The following IL17RA variants were observed in gnomAD, a reference collection of about 807,000 sequenced individuals.
IL17RA encodes the protein interleukin-17 receptor A.
IL17RA carries 34 observed loss-of-function variants against 50.4 expected under a neutral mutation model. That is an observed-to-expected ratio of 0.67 (90% CI 0.51 to 0.90). IL17RA has a LOEUF of 0.90. Among genes scored for constraint, IL17RA ranks in the 40% least tolerant of loss-of-function variants. The probability of loss-of-function intolerance (pLI) is 0.00; values close to 1 mark genes in which losing one functional copy is unlikely to be tolerated. For synonymous variants in IL17RA, 585 were observed against 510.4 expected (o/e 1.15, Z -1.97); for missense variants, 1,276 against 1,169.8 (o/e 1.09, Z -1.32).
intron 7 of IL17RA, 69 bp downstream of exon 7, chr22:17,102,371 C>A: frequency 6.4e-7 from 1 of 1,555,490 alleles, no homozygotes; most frequent in Non-Finnish European, 8.9e-7. Context: ...AGTCTCTTCT[C>A]TGCTGGTCTG....
At chr22:17,096,778 G>T (rs2061369722) in intron 1 of IL17RA, among the ~76,000 whole-genome samples, 1 of 151,778 alleles carries the variant, frequency 6.6e-6, no homozygotes, top group Non-Finnish European at 1.5e-5. Context: ...GCCGAGGCAG[G>T]AGAATGGCGT....
intron 11 of IL17RA, among the ~76,000 whole-genome samples, chr22:17,107,470 CAA>C (rs1274877686): frequency 3.3e-5 from 5 of 152,260 alleles, no homozygotes; most frequent in Non-Finnish European, 5.9e-5. Context: ...ACCCATTAAA[CAA>C]GAGCAAATAC....
At chr22:17,106,741 G>A (rs1343085426) in intron 11 of IL17RA, among the ~76,000 whole-genome samples, 8 of 152,152 alleles carry the variant, frequency 5.3e-5, no homozygotes, top group Non-Finnish European at 1.0e-4. Context: ...TAATTATTAT[G>A]TGGTAGAAAG....
chr22:17,109,513 A>AG lies in IL17RA; in HGVS notation c.2300dup (p.Cys768LeufsTer3). On this transcript the variant is annotated frameshift_variant, in exon 13 of 13. Coordinates refer to ENST00000319363, the MANE Select transcript of IL17RA (RefSeq NM_014339.7). LOFTEE classifies it low-confidence loss of function (END_TRUNC). ...GAGCAGAGTCTGAGCTGCCAGGCCC[A>AG]GGGGGGCTGCAGTAGACCCGCCATG... 2 of 1,596,428 alleles carry AG rather than the reference A, an allele frequency of 1.3e-6. No homozygotes were observed. Among genetic ancestry groups the AG allele is most frequent in the Non-Finnish European group, 1.7e-6 (2 of 1,170,780 alleles).
At chr22:17,107,583 A>G in intron 11 of IL17RA, 144 bp from the exon 12 acceptor site, 2 of 731,420 alleles carry the variant, frequency 2.7e-6, no homozygotes, top group Admixed American at 2.0e-5. Flanking sequence ...TGCCTGTGCG[A>G]CCACCTAGCA....
chr22:17,097,691 C>G (rs1601340858), intron 2 of IL17RA, 106 bp from the exon 3 acceptor site: 1 of 1,408,040 alleles, frequency 7.1e-7, no homozygotes, highest in South Asian at 1.2e-5. Context: ...GGCTGGAAGG[C>G]CGCGGGCCCC....
At position 17,108,867 on chromosome 22, in the gene IL17RA, G is replaced by T; in HGVS notation, c.1648G>T (p.Val550Leu). Residue 550 changes from valine to leucine, a missense_variant, in exon 13 of 13, where the codon GTA becomes TTA. Val to Leu is a conservative substitution (Grantham distance 32). Coordinates refer to ENST00000319363, the MANE Select transcript of IL17RA (RefSeq NM_014339.7). ...GTTCCAGCCGGGCCGCATGCACCGCGTAGGGGAGCTGTCGGGGGACAACTA... is the reference window on the plus strand; with the variant it reads ...GTTCCAGCCGGGCCGCATGCACCGCTTAGGGGAGCTGTCGGGGGACAACTA... ...EMFQPGRMHRVGELSGDNYLR... is the reference protein window; with the variant it reads ...EMFQPGRMHRLGELSGDNYLR... 6.2e-7 allele frequency: 1 copy of T among 1,609,996 alleles called. No homozygotes were observed. The highest frequency in any genetic ancestry group is 1.1e-5 in the South Asian group (1 of 90,564).
At chr22:17,085,310 C>T in intron 1 of IL17RA, 81 bp downstream of exon 1, 1 of 1,520,458 alleles carries the variant, frequency 6.6e-7, no homozygotes, top group Non-Finnish European at 8.8e-7. Flanking sequence ...ACGGTCGGGA[C>T]TACGCGCCCG....
At chr22:17,101,039 A>G (rs900720976) in intron 5 of IL17RA, among the ~76,000 whole-genome samples, 12 of 152,118 alleles carry the variant, frequency 7.9e-5, no homozygotes, top group Non-Finnish European at 1.8e-4. Context: ...AAGCTCAGCT[A>G]TTACCTACAT....
In IL17RA at chr22:17,085,014, C is replaced by T. The variant is rs2061320264; in HGVS notation, c.-78C>T. On this transcript the variant is annotated 5_prime_UTR_variant, in exon 1 of 13. Coordinates refer to ENST00000319363, the MANE Select transcript of IL17RA (RefSeq NM_014339.7). ...AAAGTGGAGCCGACTCGAACTCCAC[C>T]GCGGAAAAGAAAGCCTCAGAACGTT... is the stretch of plus-strand genomic sequence containing the variant. 1 of 1,268,362 alleles carries T rather than the reference C, an allele frequency of 7.9e-7. No homozygotes were observed. The highest frequency in any genetic ancestry group is 1.0e-6 in the Non-Finnish European group (1 of 1,003,852). The allele number at this position is 1,268,362 out of a possible 1,614,324, so 78.6% of individuals were successfully genotyped here.
chr22:17,108,334 C>T lies in IL17RA; in HGVS notation c.1115C>T (p.Pro372Leu), dbSNP rs1454981530. Residue 372 changes from proline (P) to leucine (L), a missense_variant, in exon 13 of 13, where the codon CCC (proline) becomes CTC (leucine). By Grantham distance (98) the Pro-to-Leu change is moderately conservative. Transcript: ENST00000319363. Reference protein sequence around the residue: ...TDGLPAADLIPPPLKPRKVWI... With the variant: ...TDGLPAADLILPPLKPRKVWI... ...GGCCTGCCTGCGGCTGACCTGATCC[C>T]CCCACCGCTGAAGCCCAGGAAGGTC... The T allele has an allele frequency of 8.1e-6, 13 of 1,614,014 alleles. No homozygotes were observed. The Admixed American group carries it at 2.2e-4, about 27-fold the overall frequency.
intron 1 of IL17RA, among the ~76,000 whole-genome samples, chr22:17,093,313 G>GT (rs1322442060): frequency 1.3e-5 from 2 of 151,810 alleles, no homozygotes; most frequent in East Asian, 1.9e-4. Flanking sequence ...ATCTGGAGGT[G>GT]TTTTTTTTGG....
Position 17,103,443 on chromosome 22 carries a change from C to G in IL17RA, c.763-51C>G, listed in dbSNP as rs766418720. The G allele has an allele frequency of 3.8e-5, 57 of 1,497,602 alleles. 1 individual carries two copies. The Admixed American group carries it at 5.7e-4, about 15-fold the overall frequency. 92.8% of individuals were successfully genotyped at this position (1,497,602 alleles called of 1,614,324 possible). On this transcript the variant is annotated intron_variant, in intron 7 of 12. Transcript: ENST00000319363. ...AGTGCCACAGCGTGTTCTTACCCAA[C>G]TAGCCTTACCCATCCCAACTAGCCT...
At chr22:17,108,170 C>T (rs991621621) in intron 12 of IL17RA, 137 bp from the exon 13 acceptor site, 2 of 825,554 alleles carry the variant, frequency 2.4e-6, no homozygotes, top group African/African-American at 1.7e-5. Context: ...GTTTTTCCAA[C>T]AGGCCTCAGT....
chr22:17,115,035 G>A lies in IL17RA; in HGVS notation c.*5215G>A, dbSNP rs2061461668. The A allele has an allele frequency of 1.3e-5, 2 of 152,278 alleles. No homozygotes were observed. Among genetic ancestry groups the A allele is most frequent in the Non-Finnish European group, 2.9e-5 (2 of 68,066 alleles). 9.4% of individuals were successfully genotyped at this position (152,278 alleles called of 1,614,324 possible). On this transcript the variant is annotated 3_prime_UTR_variant, in exon 13 of 13. Coordinates refer to ENST00000319363, the MANE Select transcript of IL17RA (RefSeq NM_014339.7). ...ATGGCCAGACTCAGGCAAGGCCTAG[G>A]TGTGGGCTGGGCATTGCCTACACGT...
At chr22:17,105,717 G>GGGA in intron 10 of IL17RA, 115 bp downstream of exon 10, 1 of 1,354,196 alleles carries the variant, frequency 7.4e-7, no homozygotes, top group African/African-American at 1.9e-5. Context: ...GGCCAGCCCG[G>GGGA]GGTGGGGGGT....
chr22:17,100,321 A>G, intron 4 of IL17RA, 34 bp from the exon 5 acceptor site: 2 of 1,613,210 alleles, frequency 1.2e-6, no homozygotes, highest in Non-Finnish European at 1.7e-6. Context: ...GGTGTGTGTA[A>G]TCCATCCACC....
intron 4 of IL17RA, among the ~76,000 whole-genome samples, chr22:17,099,089 G>T (rs1012398949): frequency 6.6e-6 from 1 of 152,184 alleles, no homozygotes; most frequent in African/African-American, 2.4e-5. Context: ...GAGGGACAGA[G>T]CGTATTTTTG....
At chr22:17,088,914 A>G (rs1448004126) in intron 1 of IL17RA, among the ~76,000 whole-genome samples, 7 of 150,336 alleles carry the variant, frequency 4.7e-5, no homozygotes, top group East Asian at 4.0e-4. Flanking sequence ...TCCTGCCTCA[A>G]CCTCCCAAGT....
Sources: allele counts gnomAD v4.1 joint callset (sites outside exome capture counted in the v4.1 genomes callset), GRCh38; gene constraint gnomAD v4.1.1; transcripts MANE v1.5; gene names NCBI Gene and HGNC (gene_info 2026-07-23, HGNC 2026-07-21).